MID1: variants seen among roughly 807,000 people sequenced by gnomAD.
MID1 encodes the protein E3 ubiquitin-protein ligase Midline-1.
In MID1, 7 loss-of-function variants were observed where a neutral mutation model predicts 40.4. The ratio of observed to expected loss-of-function variants is 0.17; its 90% confidence interval spans 0.10 to 0.33. The LOEUF (loss-of-function observed/expected upper bound fraction) is 0.33, where lower values mean the gene tolerates loss of function less well. MID1 is among the 10% of genes least tolerant of loss of function. MID1 has a pLI of 1.00. For missense variants in MID1, 367 were observed against 558.5 expected (o/e 0.66, Z 3.46); for synonymous variants, 229 against 221.2 (o/e 1.04, Z -0.31).
intron 2 of MID1, among the ~76,000 whole-genome samples, chrX:10,544,984 T>A (rs1158900273): frequency 8.9e-6 from 1 of 111,987 alleles, no homozygotes; most frequent in East Asian, 2.8e-4. Flanking sequence ...TGAGACTGAG[T>A]CTCGCTGTCT....
At chrX:10,707,212 C>G (rs930448691) in intron 1 of MID1, among the ~76,000 whole-genome samples, 12 of 112,121 alleles carry the variant, frequency 1.1e-4, no homozygotes, top group Middle Eastern at 4.2e-3. Flanking sequence ...CTTCCCTCTA[C>G]ACAGCAACTC....
At chrX:10,815,152 C>T (rs974690112) in intron 1 of MID1, among the ~76,000 whole-genome samples, 3 of 111,857 alleles carry the variant, frequency 2.7e-5, no homozygotes, top group South Asian at 3.7e-4. Flanking sequence ...GCCTTTTTAA[C>T]ATTACCACAA....
intron 1 of MID1, among the ~76,000 whole-genome samples, chrX:10,737,145 A>G (rs897758059): frequency 1.8e-5 from 2 of 112,327 alleles, no homozygotes; most frequent in African/African-American, 6.5e-5. Context: ...TTCATTCTCA[A>G]TCAAGAAGTT....
chrX:10,592,511 GA>G (rs1413098775), intron 1 of MID1, among the ~76,000 whole-genome samples: 1 of 109,474 alleles, frequency 9.1e-6, no homozygotes, highest in Non-Finnish European at 1.9e-5. Flanking sequence ...TTTAAAGGGG[GA>G]AAAAATGAAA....
intron 2 of MID1, among the ~76,000 whole-genome samples, chrX:10,536,213 A>G (rs1933247434): frequency 8.9e-6 from 1 of 112,307 alleles, no homozygotes; most frequent in African/African-American, 3.2e-5. Context: ...CAACAGAGGG[A>G]GACACTGCCT....
At chrX:10,828,579 G>A (rs976365531) in intron 1 of MID1, among the ~76,000 whole-genome samples, 1 of 112,258 alleles carries the variant, frequency 8.9e-6, no homozygotes, top group African/African-American at 3.2e-5. Context: ...TAGATTGCTA[G>A]AGAAGAAAGA....
At chrX:10,556,837 A>G (rs1934141286) in intron 2 of MID1, among the ~76,000 whole-genome samples, 1 of 112,657 alleles carries the variant, frequency 8.9e-6, no homozygotes, top group African/African-American at 3.2e-5. Context: ...TTGCATTTGT[A>G]TCAGATTTTT....
At chrX:10,521,269 T>C (rs1009568494) in intron 3 of MID1, among the ~76,000 whole-genome samples, 8 of 110,552 alleles carry the variant, frequency 7.2e-5, no homozygotes, top group African/African-American at 2.0e-4. Context: ...ACCTCCAGCA[T>C]TGGGGATTAC....
At chrX:10,707,873 T>C (rs1222312436) in intron 1 of MID1, among the ~76,000 whole-genome samples, 1 of 112,975 alleles carries the variant, frequency 8.9e-6, no homozygotes, top group Non-Finnish European at 1.9e-5. Flanking sequence ...TTTTTGATTA[T>C]ATCAAAAAAG....
chrX:10,713,594 C>T (rs1309975369), intron 1 of MID1, among the ~76,000 whole-genome samples: 1 of 112,659 alleles, frequency 8.9e-6, no homozygotes, highest in African/African-American at 3.2e-5. Context: ...TCCCAAAGTG[C>T]TGGGATTACA....
At chrX:10,667,729 G>A (rs917005177) in intron 1 of MID1, among the ~76,000 whole-genome samples, 1 of 111,223 alleles carries the variant, frequency 9.0e-6, no homozygotes, top group Non-Finnish European at 1.9e-5. Context: ...AAAGCTCAAA[G>A]ACTGATTGTT....
At chrX:10,640,112 G>A (rs778512847) in intron 1 of MID1, among the ~76,000 whole-genome samples, 13 of 111,619 alleles carry the variant, frequency 1.2e-4, no homozygotes, top group African/African-American at 4.2e-4. Context: ...ATCAACTAAC[G>A]AGCAAAATAA....
At chrX:10,535,528 C>T (rs1449769208) in intron 2 of MID1, among the ~76,000 whole-genome samples, 4 of 111,683 alleles carry the variant, frequency 3.6e-5, no homozygotes, top group African/African-American at 1.3e-4. Flanking sequence ...CTGATTGTTG[C>T]TGTTAAGGAA....
chrX:10,621,421 CT>C (rs1424202789), upstream of MID1, among the ~76,000 whole-genome samples: 1 of 111,717 alleles, frequency 9.0e-6, no homozygotes. Flanking sequence ...TAAGCAATAA[CT>C]TTTTTCAACT....
chrX:10,773,255 A>G (rs1261313792), intron 1 of MID1, among the ~76,000 whole-genome samples: 1 of 111,851 alleles, frequency 8.9e-6, no homozygotes, highest in African/African-American at 3.3e-5. Flanking sequence ...AGTCCTTGGA[A>G]CACTCTAAAT....
At chrX:10,758,763 C>A (rs1481025949) in intron 1 of MID1, among the ~76,000 whole-genome samples, 2 of 110,995 alleles carry the variant, frequency 1.8e-5, no homozygotes, top group Non-Finnish European at 3.8e-5. Context: ...GCTGGGATTA[C>A]AGGCTTGAGC....
intron 9 of MID1, among the ~76,000 whole-genome samples, chrX:10,452,935 C>T (rs371223642): frequency 3.6e-5 from 4 of 111,835 alleles, no homozygotes; most frequent in African/African-American, 1.3e-4. Context: ...GAGTAATAAT[C>T]ATTTAGACCC....
chrX:10,504,029 G>A (rs750058566), intron 3 of MID1, among the ~76,000 whole-genome samples: 2 of 111,904 alleles, frequency 1.8e-5, no homozygotes, highest in East Asian at 5.6e-4. Flanking sequence ...TGTTGATGTC[G>A]CTGTTAGTTT....
intron 1 of MID1, among the ~76,000 whole-genome samples, chrX:10,680,785 A>C (rs140715969): frequency 0.024 from 2,697 of 110,495 alleles, 40 homozygotes; most frequent in African/African-American, 0.048. Context: ...CTACAATCCT[A>C]GCACTTTGAG....
Sources: allele counts gnomAD v4.1 joint callset (sites outside exome capture counted in the v4.1 genomes callset), GRCh38; gene constraint gnomAD v4.1.1; transcripts MANE v1.5; gene names NCBI Gene and HGNC (gene_info 2026-07-23, HGNC 2026-07-21).